The following KDM4B variants were observed in gnomAD, a reference collection of about 807,000 sequenced individuals.
KDM4B encodes the protein lysine demethylase 4B.
Under a neutral mutation model 125.2 loss-of-function variants are expected in KDM4B, and 32 were observed. The observed-to-expected ratio is 0.26, with a 90% CI of 0.19 to 0.34. The LOEUF (loss-of-function observed/expected upper bound fraction) is 0.34, where lower values mean the gene tolerates loss of function less well. Among genes scored for constraint, KDM4B ranks in the 10% least tolerant of loss-of-function variants. The probability of loss-of-function intolerance (pLI) is 1.00; values close to 1 mark genes in which losing one functional copy is unlikely to be tolerated. For synonymous variants in KDM4B, 721 were observed against 677.9 expected (o/e 1.06, Z -0.99); for missense variants, 1,190 against 1,577.7 (o/e 0.75, Z 4.16).
chr19:5,079,189 T>A (rs965405467), intron 8 of KDM4B: 7 of 152,200 alleles, frequency 4.6e-5, no homozygotes, highest in Non-Finnish European at 1.0e-4. Context: ...ACTCCCTCAT[T>A]TATTCTGCAA....
Position 5,115,968 on chromosome 19 carries a change from C to T in KDM4B, c.1116-3685C>T, listed in dbSNP as rs1298869716. Among the ~76,000 whole-genome samples the T allele has an allele frequency of 6.6e-6, 1 of 152,102 alleles. No homozygotes were observed. Among genetic ancestry groups the T allele is most frequent in the Non-Finnish European group, 1.5e-5 (1 of 68,028 alleles). On this transcript the variant is annotated intron_variant, in intron 10 of 22. Transcript: ENST00000159111. The surrounding 1 kb of genome is among the most constrained non-coding windows in gnomAD (Gnocchi z 4.2). The stretch of plus-strand genomic sequence containing the variant: ...CCCGGGACCCAAAGGCTTTGCATTT[C>T]CAGGTTAAAAAGTCCACCAGAAAGT...
At chr19:5,062,950 C>T (rs1059012) in intron 6 of KDM4B, among the ~76,000 whole-genome samples, 18 of 151,568 alleles carry the variant, frequency 1.2e-4, no homozygotes, top group Non-Finnish European at 2.1e-4. Context: ...CTTACTTAGA[C>T]GTTTATATTA....
rs559961678 is a variant in KDM4B at position 5,021,660 on chromosome 19, A to G, written c.-26+5321A>G. Among the ~76,000 whole-genome samples the G allele has an allele frequency of 5.1e-5, 7 of 137,632 alleles. No individual in the cohort carries two copies. The South Asian group carries it at 1.6e-3, about 32-fold the overall frequency. 90.3% of individuals were successfully genotyped at this position (137,632 alleles called of 152,430 possible). On this transcript the variant is annotated intron_variant, in intron 2 of 22. Transcript: ENST00000159111. ...GGTTTTTTTTTTTTTTTTTTTTGAG[A>G]CAGTCTCGCTCTGTTGCCAGACTGG...
chr19:5,137,030 T>C (rs1224942166), intron 15 of KDM4B, among the ~76,000 whole-genome samples: 1 of 152,174 alleles, frequency 6.6e-6, no homozygotes, highest in African/African-American at 2.4e-5. Flanking sequence ...GCGTCCTCTT[T>C]CCACACAAGT....
chr19:4,977,298 C>G (rs2034481076), intron 1 of KDM4B, among the ~76,000 whole-genome samples: 1 of 152,250 alleles, frequency 6.6e-6, no homozygotes, highest in Non-Finnish European at 1.5e-5. Flanking sequence ...CCGAGGCCGA[C>G]TGCCCAGTGG....
At chr19:5,135,069 A>G (rs1391791832) in intron 14 of KDM4B, among the ~76,000 whole-genome samples, 1 of 152,120 alleles carries the variant, frequency 6.6e-6, no homozygotes, top group Non-Finnish European at 1.5e-5. Flanking sequence ...ACCAGGGGCC[A>G]CACAGGCCAG....
chr19:4,988,287 C>A (rs998409769), intron 1 of KDM4B, among the ~76,000 whole-genome samples: 1 of 151,414 alleles, frequency 6.6e-6, no homozygotes, highest in Non-Finnish European at 1.5e-5. Context: ...CTTTTTTTTT[C>A]TTTTTTGAGA....
At position 5,106,756 on chromosome 19, in the gene KDM4B, C is replaced by T. The variant is rs978798936; in HGVS notation, c.919-3866C>T. Among the ~76,000 whole-genome samples, 57 of 152,274 alleles carry T rather than the reference C, an allele frequency of 3.7e-4. 1 individual carries two copies. The highest frequency in any genetic ancestry group is 3.3e-4 in the Admixed American group (5 of 15,292). On this transcript the variant is annotated intron_variant, in intron 9 of 22. Coordinates refer to ENST00000159111, the MANE Select transcript of KDM4B (RefSeq NM_015015.3). ...TGGGTTCTGCTTGGCATCTGGGGCACCAAGAGGGGGGGCCTTGCTTTGAGA... is the reference window on the plus strand; with the variant it reads ...TGGGTTCTGCTTGGCATCTGGGGCATCAAGAGGGGGGGCCTTGCTTTGAGA...
chr19:5,102,331 A>T (rs2038953035), intron 9 of KDM4B, among the ~76,000 whole-genome samples: 1 of 152,202 alleles, frequency 6.6e-6, no homozygotes. Flanking sequence ...GCCAGGAGCC[A>T]TGAGCGTGGC....
rs574292928 is a variant in KDM4B at position 5,101,307 on chromosome 19, G to A, written c.919-9315G>A. Among the ~76,000 whole-genome samples the A allele has an allele frequency of 3.0e-4, 46 of 150,998 alleles. 1 individual carries two copies. The highest frequency in any genetic ancestry group is 6.8e-3 in the Middle Eastern group (2 of 292). ...TTTTGATAGTTTATTTTGATCTCTG[G>A]GGATCATAGTGCAGGCCCATCTCTC... is the stretch of plus-strand genomic sequence containing the variant. On this transcript the variant is annotated intron_variant, in intron 9 of 22. Coordinates refer to ENST00000159111, the MANE Select transcript of KDM4B (RefSeq NM_015015.3).
rs754675953 is a variant in KDM4B at position 5,137,679 on chromosome 19, G to C, written c.2441+3G>C. ...CTGCAGATGACCACCGATAGGAGGT[G>C]GGTGGCACCGCGCGTTGGGGCTGGA... On this transcript the variant is annotated splice_donor_region_variant and intron_variant, in intron 17 of 22. Coordinates refer to ENST00000159111, the MANE Select transcript of KDM4B (RefSeq NM_015015.3). The C allele has an allele frequency of 6.3e-7, 1 of 1,582,944 alleles. No individual in the cohort carries two copies. Among genetic ancestry groups the C allele is most frequent in the African/African-American group, 1.3e-5 (1 of 74,430 alleles).
chr19:5,040,054 G>A, intron 4 of KDM4B, 43 bp downstream of exon 4: 2 of 1,564,632 alleles, frequency 1.3e-6, no homozygotes, highest in Non-Finnish European at 1.7e-6. Context: ...CGCCCCCGGG[G>A]GCACACCTGC....
Position 5,033,344 on chromosome 19 carries a change from C to T in KDM4B, c.141+313C>T, listed in dbSNP as rs532946885. Among the ~76,000 whole-genome samples the T allele has an allele frequency of 7.2e-5, 11 of 152,292 alleles. No homozygotes were observed. In the South Asian group the frequency reaches 1.7e-3, roughly 23 times the overall value. On this transcript the variant is annotated intron_variant, in intron 3 of 22. Transcript: ENST00000159111. The stretch of plus-strand genomic sequence containing the variant: ...CAGTGGGCCACCAGGTTGTTCTGGC[C>T]GTGAGCTGACGTCTCACTGAGGGAC...
intron 1 of KDM4B, among the ~76,000 whole-genome samples, chr19:5,015,131 GGGCA>G (rs1471244760): frequency 1.3e-5 from 2 of 152,216 alleles, no homozygotes; most frequent in African/African-American, 4.8e-5. Context: ...AGGAAGCAGA[GGGCA>G]GCCTGAGCTG....
intron 2 of KDM4B, among the ~76,000 whole-genome samples, chr19:5,025,370 G>A (rs922743210): frequency 7.2e-5 from 11 of 152,206 alleles, no homozygotes; most frequent in African/African-American, 2.7e-4. Flanking sequence ...CAGGGTTCCC[G>A]TGCTAAAACC....
chr19:5,129,431 G>A (rs2039505360), intron 11 of KDM4B, among the ~76,000 whole-genome samples: 1 of 152,234 alleles, frequency 6.6e-6, no homozygotes, highest in African/African-American at 2.4e-5. Context: ...CTGTGGAGCT[G>A]GGGGCAGCCC....
chr19:5,126,161 CA>C (rs1255225106), intron 11 of KDM4B, among the ~76,000 whole-genome samples: 13 of 152,192 alleles, frequency 8.5e-5, no homozygotes, highest in African/African-American at 2.9e-4. Flanking sequence ...TCACAGGGGC[CA>C]GGGGGCATCA....
intron 1 of KDM4B, among the ~76,000 whole-genome samples, chr19:5,015,271 G>C (rs1459506845): frequency 6.6e-6 from 1 of 151,798 alleles, no homozygotes; most frequent in Non-Finnish European, 1.5e-5. Flanking sequence ...TTCCCTAGAC[G>C]TAGTCTTGCT....
In KDM4B at chr19:5,133,922, C is replaced by G. The variant is rs751495787; in HGVS notation, c.1946C>G (p.Pro649Arg). The G allele has an allele frequency of 6.2e-7, 1 of 1,613,100 alleles. No homozygotes were observed. The highest frequency in any genetic ancestry group is 1.7e-4 in the Middle Eastern group (1 of 6,058). ...PFSGEEDVSDPDALRPLLSLQ... is the reference protein window; with the variant it reads ...PFSGEEDVSDRDALRPLLSLQ... Reference sequence around the variant, plus strand: ...TCCGGGGAGGAAGATGTGAGTGACCCGGACGCCTTGAGGCCGCTGCTGTCT... The same window carrying G: ...TCCGGGGAGGAAGATGTGAGTGACCGGGACGCCTTGAGGCCGCTGCTGTCT... Residue 649 changes from proline to arginine, a missense_variant, in exon 14 of 23, where the codon CCG becomes CGG. Coordinates refer to ENST00000159111, the MANE Select transcript of KDM4B (RefSeq NM_015015.3).
Sources: gnomAD v4.1 joint callset for allele counts (sites outside exome capture counted in the v4.1 genomes callset) on GRCh38, gnomAD v4.1.1 for gene constraint, Gnocchi (gnomAD v3.1) non-coding constraint, MANE v1.5 for transcripts, NCBI Gene and HGNC (gene_info 2026-07-23, HGNC 2026-07-21) for gene names.